The following DPYD variants were observed in gnomAD, a reference collection of about 807,000 sequenced individuals.
The protein encoded by DPYD is dihydropyrimidine dehydrogenase [NADP(+)].
A neutral mutation model predicts 116.2 loss-of-function variants in DPYD; 109 were observed. That is an observed-to-expected ratio of 0.94 (90% CI 0.80 to 1.10). DPYD has a LOEUF of 1.10. Among genes scored for constraint, DPYD ranks in the 50% least tolerant of loss-of-function variants. The pLI is 0.00. For synonymous variants in DPYD, 440 were observed against 432.0 expected (o/e 1.02, Z -0.23); for missense variants, 1,302 against 1,254.5 (o/e 1.04, Z -0.57).
intron 18 of DPYD, among the ~76,000 whole-genome samples, chr1:97,238,726 G>A (rs2100763420): frequency 6.6e-6 from 1 of 152,310 alleles, no homozygotes; most frequent in Admixed American, 6.5e-5. Flanking sequence ...AGAAGCCAGT[G>A]TGAGAAGTTC....
At chr1:97,649,459 A>C (rs897374377) in intron 8 of DPYD, among the ~76,000 whole-genome samples, 15 of 152,112 alleles carry the variant, frequency 9.9e-5, no homozygotes, top group African/African-American at 3.6e-4. Context: ...TTATGATACT[A>C]TCTGTACATG....
chr1:97,883,493 C>T, intron 1 of DPYD, 119 bp from the exon 2 acceptor site: 1 of 785,816 alleles, frequency 1.3e-6, no homozygotes, highest in Non-Finnish European at 2.1e-6. Context: ...GTCACCCAGG[C>T]TGGAGTGCAG....
intron 2 of DPYD, among the ~76,000 whole-genome samples, chr1:97,829,311 T>C (rs964436180): frequency 6.6e-6 from 1 of 152,032 alleles, no homozygotes; most frequent in Non-Finnish European, 1.5e-5. Flanking sequence ...CCACTATTTT[T>C]AACCTTGATA....
At chr1:97,538,414 G>A (rs1050307771) in intron 12 of DPYD, among the ~76,000 whole-genome samples, 2 of 152,060 alleles carry the variant, frequency 1.3e-5, no homozygotes, top group Non-Finnish European at 1.5e-5. Flanking sequence ...CTTGACCTGG[G>A]GCAGATTTGA....
intron 2 of DPYD, among the ~76,000 whole-genome samples, chr1:97,828,988 CACTT>C (rs1349453366): frequency 1.3e-5 from 2 of 151,624 alleles, no homozygotes; most frequent in African/African-American, 4.8e-5. Flanking sequence ...ACTTAAAACT[CACTT>C]AATCTGAGAG....
intron 8 of DPYD, among the ~76,000 whole-genome samples, chr1:97,661,576 T>TA (rs567127555): frequency 2.5e-4 from 38 of 151,550 alleles, no homozygotes; most frequent in African/African-American, 7.3e-4. Flanking sequence ...TTTGATAAAA[T>TA]AAAAAAAATA....
At position 97,829,025 on chromosome 1, in the gene DPYD, A is replaced by C. The variant is rs149732805; in HGVS notation, c.151-829T>G. Among the ~76,000 whole-genome samples, 10 of 152,050 alleles carry C rather than the reference A, an allele frequency of 6.6e-5. No individual in the cohort carries two copies. In the East Asian group the frequency reaches 1.9e-3, roughly 29 times the overall value. ...GAGAACCCGAATAGGTTTTGAGGGC[A>C]TAAATTGTAGAAATTTTCAATTTAT... On this transcript the variant is annotated intron_variant, in intron 2 of 22. Coordinates refer to ENST00000370192, the MANE Select transcript of DPYD (RefSeq NM_000110.4).
intron 8 of DPYD, among the ~76,000 whole-genome samples, chr1:97,671,160 C>A (rs951099098): frequency 6.6e-6 from 1 of 151,624 alleles, no homozygotes. Context: ...TACAATAATA[C>A]GGAAGACATC....
intron 10 of DPYD, among the ~76,000 whole-genome samples, chr1:97,581,088 G>A (rs1001089354): frequency 3.3e-5 from 5 of 151,824 alleles, no homozygotes; most frequent in African/African-American, 4.8e-5. Context: ...GGCAGATCAC[G>A]AGGTCTGGAG....
intron 3 of DPYD, among the ~76,000 whole-genome samples, chr1:97,774,436 G>C (rs1666295798): frequency 6.6e-6 from 1 of 152,138 alleles, no homozygotes. Flanking sequence ...AGTTTTGCTA[G>C]AGGCTGTGGC....
At chr1:97,344,265 A>G (rs1378911312) in intron 16 of DPYD, among the ~76,000 whole-genome samples, 1 of 151,960 alleles carries the variant, frequency 6.6e-6, no homozygotes, top group East Asian at 1.9e-4. Flanking sequence ...GTAGGGCAGT[A>G]TGATTCCAAA....
At chr1:97,478,608 C>T (rs1210024222) in intron 13 of DPYD, among the ~76,000 whole-genome samples, 1 of 152,146 alleles carries the variant, frequency 6.6e-6, no homozygotes, top group Non-Finnish European at 1.5e-5. Flanking sequence ...TTCTTAAGGG[C>T]CCTAGGACCT....
rs113294813 is a variant in DPYD, at chr1:97,872,257, G to A, written c.150+11007C>T. Among the ~76,000 whole-genome samples the A allele has an allele frequency of 3.3e-3, 502 of 151,980 alleles. 3 individuals carry two copies. The highest frequency in any genetic ancestry group is 4.5e-3 in the Non-Finnish European group (304 of 67,904). On this transcript the variant is annotated intron_variant, in intron 2 of 22. Transcript: ENST00000370192. ...TAATTGAAACATACCTTACACAGGGGAAAGTTTTTTCCAGTTCAGTTTAAA... is the reference window on the plus strand; with the variant it reads ...TAATTGAAACATACCTTACACAGGGAAAAGTTTTTTCCAGTTCAGTTTAAA...
chr1:97,144,230 C>A (rs145366642), intron 20 of DPYD, among the ~76,000 whole-genome samples: 1 of 152,158 alleles, frequency 6.6e-6, no homozygotes, highest in Non-Finnish European at 1.5e-5. Flanking sequence ...TTCAGCTTTA[C>A]GCAAAGATAG....
intron 8 of DPYD, among the ~76,000 whole-genome samples, chr1:97,665,818 A>T (rs1659526043): frequency 1.3e-5 from 2 of 152,218 alleles, no homozygotes; most frequent in Non-Finnish European, 2.9e-5. Context: ...ATCTTCTAAA[A>T]TAATTCCACT....
At chr1:97,149,650 G>A (rs1006230495) in intron 20 of DPYD, among the ~76,000 whole-genome samples, 4 of 152,106 alleles carry the variant, frequency 2.6e-5, no homozygotes, top group Non-Finnish European at 4.4e-5. Flanking sequence ...ATAATTTGGG[G>A]ACCCAATGAA....
intron 14 of DPYD, among the ~76,000 whole-genome samples, chr1:97,438,210 A>G (rs1323704879): frequency 1.3e-5 from 2 of 151,974 alleles, no homozygotes; most frequent in Non-Finnish European, 2.9e-5. Context: ...AGTCCTTTGC[A>G]CTTCCATATG....
At chr1:97,311,867 A>G (rs1470251397) in intron 16 of DPYD, among the ~76,000 whole-genome samples, 2 of 151,834 alleles carry the variant, frequency 1.3e-5, no homozygotes, top group East Asian at 3.9e-4. Flanking sequence ...CCTTAAATAG[A>G]AAGTAAATAT....
intron 20 of DPYD, among the ~76,000 whole-genome samples, chr1:97,163,615 T>C (rs570174368): frequency 1.3e-5 from 2 of 152,300 alleles, no homozygotes; most frequent in South Asian, 2.1e-4. Flanking sequence ...GCTTTCTAGA[T>C]AGCGCCTTGT....
Sources: gnomAD v4.1 joint callset for allele counts (sites outside exome capture counted in the v4.1 genomes callset) on GRCh38, gnomAD v4.1.1 for gene constraint, MANE v1.5 for transcripts, NCBI Gene and HGNC (gene_info 2026-07-23, HGNC 2026-07-21) for gene names.